The following ADORA2B variants were observed in gnomAD, a reference collection of about 807,000 sequenced individuals.
The protein encoded by ADORA2B is adenosine receptor A2b.
Under a neutral mutation model 20.8 loss-of-function variants are expected in ADORA2B, and 18 were observed. That is an observed-to-expected ratio of 0.87 (90% confidence interval 0.60 to 1.29). The LOEUF is 1.29. Ranked by LOEUF, ADORA2B falls within the 50% of genes most tolerant of loss-of-function variation. The pLI is 0.00. For synonymous variants in ADORA2B, 179 were observed against 178.3 expected, an observed-to-expected ratio of 1.00 and a Z score of -0.03; for missense variants, 441 against 422.7, an observed-to-expected ratio of 1.04 and a Z score of -0.38.
the ADORA2B span, among the ~76,000 whole-genome samples, chr17:15,925,417 G>A: frequency 6.6e-6 from 1 of 151,968 alleles, no homozygotes; most frequent in African/African-American, 2.4e-5. Flanking sequence ...CCAAAGTACT[G>A]GGATTACAGG....
the ADORA2B span, among the ~76,000 whole-genome samples, chr17:15,903,815 T>C: frequency 6.6e-6 from 1 of 152,202 alleles, no homozygotes; most frequent in Admixed American, 6.5e-5. Flanking sequence ...GGTATTATCA[T>C]TTTTTAGATT....
chr17:15,902,011 C>T, the ADORA2B span, among the ~76,000 whole-genome samples: 211 of 152,238 alleles, frequency 1.4e-3, no homozygotes, highest in Non-Finnish European at 1.9e-3. Context: ...ACTCTGCGCC[C>T]ATTAAACATT....
At chr17:15,952,648 A>G (rs1339680867) in intron 1 of ADORA2B, among the ~76,000 whole-genome samples, 12 of 152,202 alleles carry the variant, frequency 7.9e-5, no homozygotes, top group African/African-American at 2.9e-4. Context: ...CTGGACAAAG[A>G]AGACTCCAGC....
chr17:15,867,709 G>C, the ADORA2B span, among the ~76,000 whole-genome samples: 1 of 150,472 alleles, frequency 6.6e-6, no homozygotes, highest in Non-Finnish European at 1.5e-5. Flanking sequence ...GCCCCGTCCG[G>C]GAGGTGAGGG....
the ADORA2B span, among the ~76,000 whole-genome samples, chr17:15,878,033 G>A: frequency 6.6e-6 from 1 of 152,042 alleles, no homozygotes; most frequent in South Asian, 2.1e-4. Flanking sequence ...GTGGTTTCGT[G>A]GGGCTTCACA....
the ADORA2B span, among the ~76,000 whole-genome samples, chr17:15,922,062 A>G: frequency 1.3e-5 from 2 of 152,268 alleles, no homozygotes; most frequent in Non-Finnish European, 2.9e-5. Context: ...ATACTTTTTC[A>G]TCTTAAAGTT....
At chr17:15,958,525 G>C (rs886245089) in intron 1 of ADORA2B, among the ~76,000 whole-genome samples, 1 of 152,150 alleles carries the variant, frequency 6.6e-6, no homozygotes, top group Non-Finnish European at 1.5e-5. Context: ...GCCTTAGGAT[G>C]TCATCCCAGA....
At chr17:15,905,907 G>C in the ADORA2B span, among the ~76,000 whole-genome samples, 1 of 152,176 alleles carries the variant, frequency 6.6e-6, no homozygotes, top group East Asian at 1.9e-4. Flanking sequence ...GCCCACCTCA[G>C]CCTCCCAAAG....
At chr17:15,876,284 G>A in the ADORA2B span, among the ~76,000 whole-genome samples, 1 of 152,000 alleles carries the variant, frequency 6.6e-6, no homozygotes, top group African/African-American at 2.4e-5. Context: ...CTATTTGCCA[G>A]TGTTGCAGCA....
intron 1 of ADORA2B, among the ~76,000 whole-genome samples, chr17:15,959,196 G>A (rs8069362): frequency 0.099 from 15,101 of 152,168 alleles, 2,499 homozygotes; most frequent in African/African-American, 0.34. Flanking sequence ...GGGATAAAAT[G>A]CCTCCTAAAT....
intron 1 of ADORA2B, among the ~76,000 whole-genome samples, chr17:15,964,862 C>CT (rs1372405498): frequency 1.3e-5 from 2 of 151,884 alleles, no homozygotes; most frequent in South Asian, 2.1e-4. Flanking sequence ...GAGATCGAGA[C>CT]CATCCTGGCT....
At chr17:15,891,270 A>C in the ADORA2B span, among the ~76,000 whole-genome samples, 1 of 151,454 alleles carries the variant, frequency 6.6e-6, no homozygotes, top group South Asian at 2.1e-4. Flanking sequence ...CTGTCTCAAA[A>C]TAGATAAATA....
At chr17:15,962,636 A>G (rs560367665) in intron 1 of ADORA2B, among the ~76,000 whole-genome samples, 3 of 152,042 alleles carry the variant, frequency 2.0e-5, no homozygotes, top group Non-Finnish European at 4.4e-5. Flanking sequence ...GGTTCAAGAG[A>G]TTCTGTGGCC....
chr17:15,970,784 G>T (rs1970181481), intron 1 of ADORA2B, among the ~76,000 whole-genome samples: 1 of 152,178 alleles, frequency 6.6e-6, no homozygotes, highest in South Asian at 2.1e-4. Context: ...TGTCATCAAG[G>T]ACCCAGGCTC....
At chr17:15,956,334 G>A (rs1434561762) in intron 1 of ADORA2B, among the ~76,000 whole-genome samples, 1 of 152,138 alleles carries the variant, frequency 6.6e-6, no homozygotes, top group Non-Finnish European at 1.5e-5. Context: ...GTGGGAGGGG[G>A]AGGGGATCAA....
At chr17:15,862,025 G>A in the ADORA2B span, among the ~76,000 whole-genome samples, 16 of 152,010 alleles carry the variant, frequency 1.1e-4, no homozygotes, top group Middle Eastern at 3.4e-3. Context: ...TAGTGCACAA[G>A]CATATTTGAG....
the ADORA2B span, among the ~76,000 whole-genome samples, chr17:15,898,651 G>A: frequency 6.6e-6 from 1 of 152,102 alleles, no homozygotes; most frequent in Admixed American, 6.5e-5. Flanking sequence ...ACAGGCGTGA[G>A]CCACTGCGCC....
intron 1 of ADORA2B, among the ~76,000 whole-genome samples, chr17:15,951,491 C>T (rs970447070): frequency 3.3e-5 from 5 of 152,248 alleles, no homozygotes; most frequent in Admixed American, 6.5e-5. Context: ...CTCCCAACTC[C>T]ACTTCCCAGG....
chr17:15,889,926 C>T, the ADORA2B span, among the ~76,000 whole-genome samples: 1 of 129,502 alleles, frequency 7.7e-6, no homozygotes, highest in South Asian at 2.3e-4. Flanking sequence ...TAAAAATTTT[C>T]TTAGCCTAAT....
Sources: allele counts gnomAD v4.1 joint callset (sites outside exome capture counted in the v4.1 genomes callset), GRCh38; gene constraint gnomAD v4.1.1; transcripts MANE v1.5; gene names NCBI Gene and HGNC (gene_info 2026-07-23, HGNC 2026-07-21).